Variants in IQGAP2 observed in about 807,000 individuals in gnomAD.
The protein encoded by IQGAP2 is ras GTPase-activating-like protein IQGAP2.
A neutral mutation model predicts 201.3 loss-of-function variants in IQGAP2; 173 were observed. The observed-to-expected ratio is 0.86, with a 90% confidence interval of 0.76 to 0.98. IQGAP2 has a LOEUF of 0.98. IQGAP2 is among the 50% of genes least tolerant of loss of function. IQGAP2 has a pLI of 0.00. For missense variants in IQGAP2, 1,687 were observed against 1,864.8 expected (o/e 0.90, Z 1.76); for synonymous variants, 675 against 673.9 (o/e 1.00, Z -0.03).
chr5:76,480,818 T>C (rs1755740808), intron 2 of IQGAP2, among the ~76,000 whole-genome samples: 1 of 150,036 alleles, frequency 6.7e-6, no homozygotes. Context: ...TAGTCTCTTG[T>C]GCCCCTATAA....
At chr5:76,655,518 G>A (rs2150437678) in intron 20 of IQGAP2, among the ~76,000 whole-genome samples, 1 of 152,132 alleles carries the variant, frequency 6.6e-6, no homozygotes, top group Admixed American at 6.5e-5. Context: ...CGCAATCTTG[G>A]CTCACTGCAA....
At chr5:76,663,758 CCT>C (rs1256559669) in intron 21 of IQGAP2, among the ~76,000 whole-genome samples, 1 of 151,874 alleles carries the variant, frequency 6.6e-6, no homozygotes, top group African/African-American at 2.4e-5. Context: ...ATCTCAAACT[CCT>C]GGCCTCAAGC....
chr5:76,421,621 A>G (rs998923241), intron 1 of IQGAP2, among the ~76,000 whole-genome samples: 1 of 152,106 alleles, frequency 6.6e-6, no homozygotes, highest in African/African-American at 2.4e-5. Context: ...TGTCTCATAA[A>G]AAAAATAGGT....
At chr5:76,417,937 G>A (rs534259937) in intron 1 of IQGAP2, among the ~76,000 whole-genome samples, 7 of 151,490 alleles carry the variant, frequency 4.6e-5, no homozygotes, top group African/African-American at 1.2e-4. Flanking sequence ...GGCTGGGCGC[G>A]GTGGCTCACA....
chr5:76,407,480 G>T (rs1318413533), intron 1 of IQGAP2, among the ~76,000 whole-genome samples: 2 of 152,218 alleles, frequency 1.3e-5, no homozygotes, highest in African/African-American at 4.8e-5. Context: ...GCATAGCTCA[G>T]CTGTAACATC....
At chr5:76,659,618 T>C (rs1444754894) in intron 21 of IQGAP2, among the ~76,000 whole-genome samples, 3 of 152,282 alleles carry the variant, frequency 2.0e-5, no homozygotes, top group South Asian at 4.1e-4. Context: ...CTCAGATAAT[T>C]ACAAACAGAA....
chr5:76,422,686 G>A (rs184160387), intron 1 of IQGAP2, among the ~76,000 whole-genome samples: 4 of 152,144 alleles, frequency 2.6e-5, no homozygotes, highest in Non-Finnish European at 5.9e-5. Flanking sequence ...AATCTGGGGG[G>A]ATTGTGCTTC....
At chr5:76,495,136 A>G (rs750244150) in intron 2 of IQGAP2, among the ~76,000 whole-genome samples, 4 of 152,234 alleles carry the variant, frequency 2.6e-5, no homozygotes, top group Non-Finnish European at 5.9e-5. Flanking sequence ...TATATAAAAG[A>G]TATACAATAA....
intron 30 of IQGAP2, among the ~76,000 whole-genome samples, chr5:76,689,229 T>TA (rs1561595883): frequency 3.0e-4 from 10 of 33,708 alleles, no homozygotes; most frequent in East Asian, 5.4e-4. Context: ...ACAGGGATAT[T>TA]TAAAAAAAAA....
At position 76,693,357 on chromosome 5, in the gene IQGAP2, C is replaced by T; in HGVS notation, c.3908C>T (p.Thr1303Ile). The T allele has an allele frequency of 6.2e-7, 1 of 1,611,510 alleles. No individual in the cohort carries two copies. Among genetic ancestry groups the T allele is most frequent in the South Asian group, 1.1e-5 (1 of 90,700 alleles). Residue 1303 changes from threonine to isoleucine, a missense_variant and splice_region_variant, in exon 31 of 36, where the codon ACC becomes ATC. Physicochemically the swap from Thr to Ile is moderately conservative, Grantham distance 89. Coordinates refer to ENST00000274364, the MANE Select transcript of IQGAP2 (RefSeq NM_006633.5). ...AIDSRSLMIK[T>I]KKLIIDVIRN... is the part of the protein sequence containing the mutation. ...GTCTCTTTCTCTGGTTTGTTAAGGA[C>T]CAAGAAGCTGATAATTGATGTGATC...
chr5:76,583,832 G>A (rs1323543428), intron 5 of IQGAP2, among the ~76,000 whole-genome samples: 1 of 151,996 alleles, frequency 6.6e-6, no homozygotes, highest in Non-Finnish European at 1.5e-5. Context: ...ATATTTTGTG[G>A]TAGCCTAAGT....
intron 9 of IQGAP2, among the ~76,000 whole-genome samples, chr5:76,595,475 TCAGG>T (rs1746962718): frequency 1.3e-5 from 2 of 151,860 alleles, no homozygotes; most frequent in Non-Finnish European, 2.9e-5. Flanking sequence ...ATAGTGTTTT[TCAGG>T]CTAGGTGCAG....
intron 21 of IQGAP2, 109 bp downstream of exon 21, chr5:76,658,776 G>A: frequency 1.1e-6 from 1 of 928,516 alleles, no homozygotes; most frequent in Non-Finnish European, 1.7e-6. Flanking sequence ...AGCATTAGGT[G>A]ATTTCATCCT....
At chr5:76,526,765 C>A (rs1430467650) in intron 2 of IQGAP2, among the ~76,000 whole-genome samples, 2 of 152,104 alleles carry the variant, frequency 1.3e-5, no homozygotes, top group East Asian at 3.9e-4. Context: ...CCTGCAGAGC[C>A]CCAAAAGGTC....
chr5:76,546,560 C>T (rs1444685815), intron 2 of IQGAP2, among the ~76,000 whole-genome samples: 1 of 152,202 alleles, frequency 6.6e-6, no homozygotes, highest in African/African-American at 2.4e-5. Flanking sequence ...GTTATGTCGT[C>T]AGAATGAGTT....
At chr5:76,506,371 G>A (rs1757605643) in intron 2 of IQGAP2, among the ~76,000 whole-genome samples, 1 of 152,150 alleles carries the variant, frequency 6.6e-6, no homozygotes, top group Admixed American at 6.5e-5. Flanking sequence ...AGCACTTAAT[G>A]GGCAATTCCT....
In IQGAP2 at chr5:76,669,519, A is replaced by G. The variant is rs554648414; in HGVS notation, c.2843+675A>G. On this transcript the variant is annotated intron_variant, in intron 23 of 35. Coordinates refer to ENST00000274364, the MANE Select transcript of IQGAP2 (RefSeq NM_006633.5). ...CGCGTCTAAATGAAGGACATGTACA[A>G]TGTATCAGGTTAGAGGACAGGAGGA... 1.2e-4 allele frequency among the ~76,000 whole-genome samples: 18 copies of G among 152,346 alleles called. No homozygotes were observed. The South Asian group carries it at 2.1e-3, about 18-fold the overall frequency.
intron 1 of IQGAP2, among the ~76,000 whole-genome samples, chr5:76,454,188 A>G (rs1753932580): frequency 6.6e-6 from 1 of 152,136 alleles, no homozygotes; most frequent in Admixed American, 6.6e-5. Flanking sequence ...CACCCCACCC[A>G]CAAACCCAGT....
intron 12 of IQGAP2, among the ~76,000 whole-genome samples, chr5:76,610,104 ATATATATATATTTTTT>A (rs1748207095): frequency 4.6e-5 from 1 of 21,942 alleles, no homozygotes; most frequent in Non-Finnish European, 7.9e-5. Flanking sequence ...ATATATATAT[ATATATATATATTTTTT>A]TTTTTTTTTT....
Sources: gnomAD v4.1 joint callset for allele counts (sites outside exome capture counted in the v4.1 genomes callset) on GRCh38, gnomAD v4.1.1 for gene constraint, MANE v1.5 for transcripts, NCBI Gene and HGNC (gene_info 2026-07-23, HGNC 2026-07-21) for gene names.